The following MAGI2 variants were observed in gnomAD, a reference collection of about 807,000 sequenced individuals.
MAGI2 encodes membrane-associated guanylate kinase, WW and PDZ domain-containing protein 2.
In MAGI2, 35 loss-of-function variants were observed where a neutral mutation model predicts 133.3. The observed-to-expected ratio is 0.26, with a 90% CI of 0.20 to 0.35. MAGI2 has a LOEUF of 0.35. Ranked by LOEUF, MAGI2 falls within the 10% of genes least tolerant of loss-of-function variation. MAGI2 has a pLI of 1.00. For missense variants in MAGI2, 1,636 were observed against 1,863.4 expected, an observed-to-expected ratio of 0.88 and a Z score of 2.25; for synonymous variants, 729 against 710.6, an observed-to-expected ratio of 1.03 and a Z score of -0.41.
At position 78,161,667 on chromosome 7, in the gene MAGI2, T is replaced by TAAAAAAAAAAAAAAAAAAAAAAAAAAA. The variant is rs71515391; in HGVS notation, c.2597-1395_2597-1394insTTTTTTTTTTTTTTTTTTTTTTTTTTT. On this transcript the variant is annotated intron_variant, in intron 15 of 21. Coordinates refer to ENST00000354212, the MANE Select transcript of MAGI2 (RefSeq NM_012301.4). Reference sequence around the variant, plus strand: ...AGAGACGTTTTGTTACATCGATACCTAAAAAAAAAAAAAAAAAAAAGAAAA... The same window carrying TAAAAAAAAAAAAAAAAAAAAAAAAAAA: ...AGAGACGTTTTGTTACATCGATACCTAAAAAAAAAAAAAAAAAAAAAAAAAAAAAAAAAAAAAAAAAAAAAAAGAAAA... Among the ~76,000 whole-genome samples the TAAAAAAAAAAAAAAAAAAAAAAAAAAA allele has an allele frequency of 1.7e-4, 12 of 68,908 alleles. 1 individual carries two copies. Among genetic ancestry groups the TAAAAAAAAAAAAAAAAAAAAAAAAAAA allele is most frequent in the Non-Finnish European group, 2.1e-4 (8 of 37,756 alleles). 45.2% of individuals were successfully genotyped at this position (68,908 alleles called of 152,430 possible).
chr7:79,134,137 T>C lies in MAGI2; in HGVS notation c.302-126931A>G, dbSNP rs138343706. Among the ~76,000 whole-genome samples, 570 of 152,306 alleles carry C rather than the reference T, an allele frequency of 3.7e-3. 2 individuals are homozygous for C. The highest frequency in any genetic ancestry group is 0.013 in the African/African-American group (544 of 41,574). ...CTTAGTCTATTAAGATGTTTTTGAATTGCAAACCAAATTAAAATTGCAATA... is the reference window on the plus strand; with the variant it reads ...CTTAGTCTATTAAGATGTTTTTGAACTGCAAACCAAATTAAAATTGCAATA... On this transcript the variant is annotated intron_variant, in intron 1 of 21. Transcript: ENST00000354212.
chr7:78,479,899 A>G (rs1792180553), intron 6 of MAGI2, among the ~76,000 whole-genome samples: 1 of 152,004 alleles, frequency 6.6e-6, no homozygotes, highest in South Asian at 2.1e-4. Flanking sequence ...CAGTAAAGAA[A>G]TGGAAGTTAT....
At chr7:78,604,870 C>T (rs1805633235) in intron 3 of MAGI2, among the ~76,000 whole-genome samples, 2 of 152,172 alleles carry the variant, frequency 1.3e-5, no homozygotes, top group Admixed American at 1.3e-4. Context: ...TTCTTAATAT[C>T]TATTCATGTA....
chr7:78,753,682 G>A (rs1823668854), intron 2 of MAGI2, among the ~76,000 whole-genome samples: 1 of 150,388 alleles, frequency 6.6e-6, no homozygotes, highest in African/African-American at 2.4e-5. Context: ...GGATTTCTTT[G>A]TTCTTTCTTC....
At chr7:79,033,514 T>C (rs1424089777) in intron 1 of MAGI2, among the ~76,000 whole-genome samples, 1 of 152,186 alleles carries the variant, frequency 6.6e-6, no homozygotes, top group African/African-American at 2.4e-5. Context: ...TATGGACAAT[T>C]AGTTAGCAGT....
At position 78,214,991 on chromosome 7, in the gene MAGI2, C is replaced by T. The variant is rs149383876; in HGVS notation, c.2048-13798G>A. On this transcript the variant is annotated intron_variant, in intron 10 of 21. Transcript: ENST00000354212. ...GAGTCACAGCTTGCATCACAGTCCA[C>T]GGATCACCAAGAGGAACCTTACTGA... 2.1e-3 allele frequency among the ~76,000 whole-genome samples: 324 copies of T among 152,252 alleles called. 1 individual carries two copies. The highest frequency in any genetic ancestry group is 3.7e-3 in the Non-Finnish European group (254 of 68,004).
intron 2 of MAGI2, among the ~76,000 whole-genome samples, chr7:78,784,637 G>A (rs1290753053): frequency 6.6e-6 from 1 of 152,174 alleles, no homozygotes; most frequent in Non-Finnish European, 1.5e-5. Flanking sequence ...AATCTGGACA[G>A]GCTTTGCTGG....
At chr7:78,750,161 T>C (rs1823313493) in intron 2 of MAGI2, among the ~76,000 whole-genome samples, 1 of 152,192 alleles carries the variant, frequency 6.6e-6, no homozygotes, top group African/African-American at 2.4e-5. Context: ...GTTAGTTTGC[T>C]GAGAATGATG....
chr7:79,384,230 A>C (rs1177991999), intron 1 of MAGI2, among the ~76,000 whole-genome samples: 1 of 151,534 alleles, frequency 6.6e-6, no homozygotes, highest in South Asian at 2.1e-4. Context: ...TTTCTATAAA[A>C]TATAAAAGAA....
chr7:78,367,945 A>G (rs746686471), intron 7 of MAGI2, among the ~76,000 whole-genome samples: 1 of 152,170 alleles, frequency 6.6e-6, no homozygotes. Context: ...AGATACCTCT[A>G]TGTATTTATC....
intron 9 of MAGI2, among the ~76,000 whole-genome samples, chr7:78,321,402 A>G (rs1288804790): frequency 1.3e-5 from 2 of 152,100 alleles, no homozygotes; most frequent in African/African-American, 4.8e-5. Context: ...AAACAGCATG[A>G]TACTGGTACC....
intron 2 of MAGI2, among the ~76,000 whole-genome samples, chr7:78,930,345 T>C (rs1800019625): frequency 6.6e-6 from 1 of 152,140 alleles, no homozygotes; most frequent in Non-Finnish European, 1.5e-5. Context: ...GTCTTCAGTG[T>C]TTCTTTGATG....
chr7:78,903,913 T>C (rs925421901), intron 2 of MAGI2: 1 of 152,246 alleles, frequency 6.6e-6, no homozygotes, highest in Admixed American at 6.5e-5. Context: ...AATCATTGTC[T>C]ATATGTTTTT....
chr7:79,394,755 C>T (rs567722706), intron 1 of MAGI2, among the ~76,000 whole-genome samples: 7 of 152,260 alleles, frequency 4.6e-5, no homozygotes, highest in Non-Finnish European at 8.8e-5. Context: ...TTTTTAATGA[C>T]ATTATTTGTT....
At chr7:78,508,806 G>A (rs1795320754) in intron 4 of MAGI2, among the ~76,000 whole-genome samples, 1 of 152,078 alleles carries the variant, frequency 6.6e-6, no homozygotes, top group African/African-American at 2.4e-5. Flanking sequence ...TATTTGATTA[G>A]GAAGTGGCTA....
At chr7:79,352,725 C>A (rs1323331577) in intron 1 of MAGI2, among the ~76,000 whole-genome samples, 1 of 152,122 alleles carries the variant, frequency 6.6e-6, no homozygotes, top group Admixed American at 6.6e-5. Flanking sequence ...AACCTCATCC[C>A]AACAGATGAG....
intron 1 of MAGI2, among the ~76,000 whole-genome samples, chr7:79,341,309 A>G (rs13247562): frequency 0.56 from 84,851 of 152,004 alleles, 26,349 homozygotes; most frequent in Non-Finnish European, 0.69. Flanking sequence ...ACTGGCTGGC[A>G]GCATATCTGA....
chr7:78,604,584 C>A (rs537993613), intron 3 of MAGI2, among the ~76,000 whole-genome samples: 1 of 152,100 alleles, frequency 6.6e-6, no homozygotes, highest in Admixed American at 6.5e-5. Flanking sequence ...TAGCAGTGAA[C>A]AAAATAGACA....
chr7:79,298,404 CTAAGTAAG>C (rs1837115232), intron 1 of MAGI2, among the ~76,000 whole-genome samples: 1 of 151,870 alleles, frequency 6.6e-6, no homozygotes, highest in Non-Finnish European at 1.5e-5. Context: ...ACTTGGGGAG[CTAAGTAAG>C]TTCTTTTAGG....
Sources: gnomAD v4.1 joint callset for allele counts (sites outside exome capture counted in the v4.1 genomes callset) on GRCh38, gnomAD v4.1.1 for gene constraint, MANE v1.5 for transcripts, NCBI Gene and HGNC (gene_info 2026-07-23, HGNC 2026-07-21) for gene names.